The following ERICH1 variants were observed in gnomAD, a reference collection of about 807,000 sequenced individuals.
ERICH1 encodes glutamate-rich protein 1.
Under a neutral mutation model 39.6 loss-of-function variants are expected in ERICH1, and 56 were observed. The ratio of observed to expected loss-of-function variants is 1.41; its 90% confidence interval spans 1.14 to 1.77. The LOEUF (loss-of-function observed/expected upper bound fraction) is 1.77, where lower values mean the gene tolerates loss of function less well. ERICH1 is among the 40% of genes most tolerant of loss of function. The pLI is 0.00. For missense variants in ERICH1, 826 were observed against 575.4 expected (o/e 1.44, Z -4.45); for synonymous variants, 313 against 223.6 (o/e 1.40, Z -3.57).
At chr8:728,509 C>A (rs572659777) in intron 1 of ERICH1, among the ~76,000 whole-genome samples, 1 of 152,310 alleles carries the variant, frequency 6.6e-6, no homozygotes, top group East Asian at 1.9e-4. Context: ...CCTCCCCAGT[C>A]CACTGCAACC....
In ERICH1 at chr8:673,890, G is replaced by C; in HGVS notation, c.462C>G (p.Gly154=). Residue 154 remains glycine, a synonymous_variant, in exon 4 of 6, where the codon GGC becomes GGG. Transcript: ENST00000262109. ...QEKSQRQHTD[G]TTISKNKKRK... Reference sequence around the variant, plus strand: ...TTTTTTTATTTTTGCTTATTGTGGTGCCATCTGTGTGCTGTCGCTGAGATT... The same window carrying C: ...TTTTTTTATTTTTGCTTATTGTGGTCCCATCTGTGTGCTGTCGCTGAGATT... The C allele has an allele frequency of 5.6e-6, 9 of 1,613,466 alleles. No individual in the cohort carries two copies. Among genetic ancestry groups the C allele is most frequent in the Non-Finnish European group, 7.6e-6 (9 of 1,180,000 alleles).
chr8:632,369 TA>T (rs1798096247), intron 3 of ERICH1, among the ~76,000 whole-genome samples: 1 of 152,188 alleles, frequency 6.6e-6, no homozygotes, highest in Non-Finnish European at 1.5e-5. Flanking sequence ...AAGAAATGTT[TA>T]AAAATGATCT....
intron 1 of ERICH1, among the ~76,000 whole-genome samples, chr8:718,630 C>T (rs1334939153): frequency 6.6e-6 from 1 of 152,222 alleles, no homozygotes; most frequent in Non-Finnish European, 1.5e-5. Flanking sequence ...TCAGGGATAA[C>T]TGACATGGCA....
At chr8:620,917 T>C (rs977276865) in intron 3 of ERICH1, among the ~76,000 whole-genome samples, 1 of 152,176 alleles carries the variant, frequency 6.6e-6, no homozygotes, top group Non-Finnish European at 1.5e-5. Flanking sequence ...TAAATAAACT[T>C]AGATTTAACC....
Position 692,454 on chromosome 8 carries a change from C to A in ERICH1, c.304+24G>T, listed in dbSNP as rs756590052. On this transcript the variant is annotated intron_variant, in intron 3 of 5. Coordinates refer to ENST00000262109, the MANE Select transcript of ERICH1 (RefSeq NM_207332.3). ...CGAGCTTATCTGCAAAGATGTCTAC[C>A]TTTCCTCCCACCCAGCATTTTACCT... The A allele has an allele frequency of 3.1e-6, 5 of 1,613,702 alleles. No homozygotes were observed. The African/African-American group carries it at 6.7e-5, about 22-fold the overall frequency.
Position 648,154 on chromosome 8 carries a change from G to C in ERICH1, c.976+20444C>G, listed in dbSNP as rs1799571259. 3.0e-5 allele frequency among the ~76,000 whole-genome samples: 2 copies of C among 67,382 alleles called. 1 individual carries two copies. The highest frequency in any genetic ancestry group is 9.1e-5 in the Non-Finnish European group (2 of 21,958). 44.2% of individuals were successfully genotyped at this position (67,382 alleles called of 152,430 possible). A position where few individuals can be genotyped will look rare whatever the true frequency, so the allele number is the denominator to read the frequency against. On this transcript the variant is annotated intron_variant, in intron 3 of 3. Coordinates refer to the ERICH1 transcript ENST00000522706. Reference sequence around the variant, plus strand: ...GAGAGGAAGCAAAAGGCACGACACTGCTCACCTGAAGGCTGCTGTGGCCTG... The same window carrying C: ...GAGAGGAAGCAAAAGGCACGACACTCCTCACCTGAAGGCTGCTGTGGCCTG...
At chr8:711,279 T>C (rs1397605977) in intron 2 of ERICH1, among the ~76,000 whole-genome samples, 3 of 152,200 alleles carry the variant, frequency 2.0e-5, no homozygotes, top group African/African-American at 4.8e-5. Flanking sequence ...CTGTGGCCTG[T>C]CTCTTCATTC....
At position 673,148 on chromosome 8, in the gene ERICH1, T is replaced by G. The variant is rs572841985; in HGVS notation, c.1063+141A>C. 108 of 1,027,166 alleles carry G rather than the reference T, an allele frequency of 1.1e-4. 1 individual carries two copies. In the South Asian group the frequency reaches 1.8e-3, roughly 17 times the overall value. 63.6% of individuals were successfully genotyped at this position (1,027,166 alleles called of 1,614,324 possible). A position where few individuals can be genotyped will look rare whatever the true frequency, so the allele number is the denominator to read the frequency against. On this transcript the variant is annotated intron_variant, in intron 4 of 5. Coordinates refer to ENST00000262109, the MANE Select transcript of ERICH1 (RefSeq NM_207332.3). ...ATTATTTACATTGAATATTTTTTAC[T>G]TATATTAGTTGCCTTACAACTAATT...
intron 1 of ERICH1, among the ~76,000 whole-genome samples, chr8:722,227 C>T (rs1305654422): frequency 6.8e-6 from 1 of 148,058 alleles, no homozygotes; most frequent in Non-Finnish European, 1.5e-5. Flanking sequence ...TAATGCCAAT[C>T]GAAAAAAAAA....
chr8:701,388 G>A (rs919803784), intron 2 of ERICH1, among the ~76,000 whole-genome samples: 3 of 152,156 alleles, frequency 2.0e-5, no homozygotes, highest in African/African-American at 7.2e-5. Context: ...CATACCTACG[G>A]GTCTGCCCCG....
intron 1 of ERICH1, among the ~76,000 whole-genome samples, chr8:728,470 A>T (rs1184887006): frequency 2.0e-5 from 3 of 152,188 alleles, no homozygotes; most frequent in Non-Finnish European, 2.9e-5. Context: ...AGGAGCACGC[A>T]GTCCCTGGGA....
intron 3 of ERICH1, chr8:616,572 C>A: frequency 2.2e-6 from 1 of 455,634 alleles, no homozygotes; most frequent in Middle Eastern, 3.3e-4. Flanking sequence ...AAAAACAGAT[C>A]AAGTCAGGGC....
chr8:673,709 C>G lies in ERICH1; in HGVS notation c.643G>C (p.Glu215Gln). 3 of 1,614,158 alleles carry G rather than the reference C, an allele frequency of 1.9e-6. No individual in the cohort carries two copies. Among genetic ancestry groups the G allele is most frequent in the Non-Finnish European group, 2.5e-6 (3 of 1,179,986 alleles). ...TCCCCGGCCAGTGTCGGGTCTTCCT[C>G]GCTGGTGTCCACACCATCCTCCTCA... ...ACEEDGVDTSEEDPTLAGEED... is the reference protein window; with the variant it reads ...ACEEDGVDTSQEDPTLAGEED... The change falls in exon 4 of 6, where the codon GAG (glutamate) becomes CAG (glutamine). Residue 215 changes from glutamate to glutamine, a missense_variant. Coordinates refer to ENST00000262109, the MANE Select transcript of ERICH1 (RefSeq NM_207332.3).
At chr8:677,619 C>G (rs562159352) in intron 3 of ERICH1, among the ~76,000 whole-genome samples, 8 of 152,270 alleles carry the variant, frequency 5.3e-5, no homozygotes, top group Admixed American at 3.9e-4. Context: ...CTGGGTCTGC[C>G]CTGAACACAC....
rs760410692 is a variant in ERICH1 at position 673,573 on chromosome 8, G to A, written c.779C>T (p.Pro260Leu). The change falls in exon 4 of 6, where the codon CCG becomes CTG. Residue 260 changes from proline to leucine, a missense_variant. Transcript: ENST00000262109. ...GTCTTTAACGTCTTCCTCCCCGGCC[G>A]GTGTCGGATCTTCCTCACTGGCGTC... ...GADASEEDPT[P>L]AGEEDVKDAR... is the part of the protein sequence containing the mutation. 73 of 1,535,996 alleles carry A rather than the reference G, an allele frequency of 4.8e-5. No homozygotes were observed. The highest frequency in any genetic ancestry group is 1.9e-4 in the South Asian group (16 of 85,992).
chr8:727,076 T>A (rs555447243), intron 1 of ERICH1, among the ~76,000 whole-genome samples: 1 of 139,440 alleles, frequency 7.2e-6, no homozygotes, highest in East Asian at 2.1e-4. Flanking sequence ...CACATACACA[T>A]ACACACACGC....
chr8:721,048 C>T (rs1274092904), intron 1 of ERICH1, among the ~76,000 whole-genome samples: 1 of 152,136 alleles, frequency 6.6e-6, no homozygotes, highest in African/African-American at 2.4e-5. Flanking sequence ...CATAAAGTGT[C>T]CTGTAAACAG....
chr8:694,414 C>G (rs1809656444), intron 2 of ERICH1, among the ~76,000 whole-genome samples: 1 of 152,178 alleles, frequency 6.6e-6, no homozygotes, highest in Non-Finnish European at 1.5e-5. Context: ...GAAAGTTAAA[C>G]AGAACTTAGA....
chr8:664,484 A>C lies in ERICH1; in HGVS notation c.*119T>G. ...TTGCCCACCAGGAACAAACACGTGA[A>C]TAAATAATATGGCATAAATGTCTTT... On this transcript the variant is annotated 3_prime_UTR_variant, in exon 6 of 6. Transcript: ENST00000262109. 1 of 1,335,730 alleles carries C rather than the reference A, an allele frequency of 7.5e-7. No homozygotes were observed. Among genetic ancestry groups the C allele is most frequent in the Non-Finnish European group, 9.6e-7 (1 of 1,038,956 alleles). 82.7% of individuals were successfully genotyped at this position (1,335,730 alleles called of 1,614,324 possible).
Sources: gnomAD v4.1 joint callset for allele counts (sites outside exome capture counted in the v4.1 genomes callset) on GRCh38, gnomAD v4.1.1 for gene constraint, MANE v1.5 for transcripts, NCBI Gene and HGNC (gene_info 2026-07-23, HGNC 2026-07-21) for gene names.